Variants in GTF2H2C observed in about 807,000 individuals in gnomAD.
The protein encoded by GTF2H2C is general transcription factor IIH subunit 2-like protein.
Under a neutral mutation model 24.8 loss-of-function variants are expected in GTF2H2C, and 5 were observed. The observed-to-expected ratio is 0.20, with a 90% CI of 0.11 to 0.42. GTF2H2C has a LOEUF of 0.42. GTF2H2C is among the 20% of genes least tolerant of loss of function. The pLI is 1.00. For missense variants in GTF2H2C, 45 were observed against 169.8 expected (o/e 0.27, Z 4.08); for synonymous variants, 14 against 52.6 (o/e 0.27, Z 3.18).
At chr5:69,564,154 T>C (rs542976914) in intron 2 of GTF2H2C, among the ~76,000 whole-genome samples, 1 of 143,586 alleles carries the variant, frequency 7.0e-6, no homozygotes, top group South Asian at 2.3e-4. Context: ...TTCATTGTGT[T>C]TTTTTTTCGT....
intron 1 of GTF2H2C, among the ~76,000 whole-genome samples, chr5:69,562,243 C>T (rs1770411514): frequency 6.6e-6 from 1 of 152,046 alleles, no homozygotes. Flanking sequence ...CACTTGAACT[C>T]GGAGGCGGAG....
rs1772116205 is a variant in GTF2H2C, at chr5:69,594,476, CA to C, written c.*2279del. ...ACACACACACACACACACACACACA[CA>C]CTGATCAGAGTAACGGGAGTTTCTC... On this transcript the variant is annotated 3_prime_UTR_variant, in exon 17 of 17. Transcript: ENST00000380729. 1 of 152,066 alleles carries C rather than the reference CA, an allele frequency of 6.6e-6. No individual in the cohort carries two copies. The highest frequency in any genetic ancestry group is 2.1e-4 in the South Asian group (1 of 4,756). The allele number at this position is 152,066 out of a possible 1,614,324, so 9.4% of individuals were successfully genotyped here.
At chr5:69,577,403 G>C (rs1771358068) in intron 9 of GTF2H2C, among the ~76,000 whole-genome samples, 1 of 140,478 alleles carries the variant, frequency 7.1e-6, no homozygotes, top group South Asian at 2.3e-4. Context: ...CTACAGTATA[G>C]TGTAAACAGA....
intron 15 of GTF2H2C, among the ~76,000 whole-genome samples, chr5:69,587,359 G>A (rs1221258420): frequency 6.9e-5 from 3 of 43,632 alleles, no homozygotes; most frequent in African/African-American, 1.3e-4. Flanking sequence ...CGGCTGGCAC[G>A]GTGGCTGACG....
intron 2 of GTF2H2C, among the ~76,000 whole-genome samples, chr5:69,563,781 C>T (rs1346883731): frequency 6.6e-6 from 1 of 151,976 alleles, no homozygotes; most frequent in East Asian, 1.9e-4. Context: ...TAAATGAGAA[C>T]ATGCCGTCTT....
At chr5:69,560,781 C>T (rs1265047729) in intron 1 of GTF2H2C, among the ~76,000 whole-genome samples, 1 of 151,956 alleles carries the variant, frequency 6.6e-6, no homozygotes, top group Non-Finnish European at 1.5e-5. Context: ...TTCTTCGAGA[C>T]GGAGTCTCGC....
At chr5:69,573,183 C>CACACAT (rs1160716153) in intron 9 of GTF2H2C, among the ~76,000 whole-genome samples, 5 of 140,686 alleles carry the variant, frequency 3.6e-5, no homozygotes, top group African/African-American at 5.3e-5. Context: ...CACACACACA[C>CACACAT]GTATATATAT....
intron 8 of GTF2H2C, among the ~76,000 whole-genome samples, chr5:69,570,580 G>A (rs1771029461): frequency 9.0e-5 from 1 of 11,112 alleles, no homozygotes; most frequent in African/African-American, 3.1e-4. Context: ...AGTTTCCAAA[G>A]CAATATGTTG....
chr5:69,561,598 A>C (rs1321523668), intron 1 of GTF2H2C, among the ~76,000 whole-genome samples: 1 of 134,112 alleles, frequency 7.5e-6, no homozygotes, highest in Non-Finnish European at 1.6e-5. Flanking sequence ...GGTCAGCCAA[A>C]AGTCTCTCAG....
chr5:69,561,858 C>T (rs1291297612), intron 1 of GTF2H2C, among the ~76,000 whole-genome samples: 6 of 151,686 alleles, frequency 4.0e-5, no homozygotes, highest in Admixed American at 2.6e-4. Flanking sequence ...CTGATCTGAG[C>T]GCCTGAACTC....
intron 8 of GTF2H2C, 108 bp downstream of exon 8, chr5:69,568,315 C>T (rs1294924134): frequency 7.6e-6 from 3 of 393,322 alleles, no homozygotes; most frequent in South Asian, 2.9e-5. Flanking sequence ...GGTGGTTCCT[C>T]TGTCTTCTCT....
chr5:69,566,544 G>C (rs760411100), intron 4 of GTF2H2C, 45 bp from the exon 5 acceptor site: 1 of 828,924 alleles, frequency 1.2e-6, no homozygotes, highest in African/African-American at 2.1e-5. Context: ...TGTGGGGGGG[G>C]ATAGTATATG....
chr5:69,577,379 G>T (rs1771357096), intron 9 of GTF2H2C, among the ~76,000 whole-genome samples: 1 of 136,318 alleles, frequency 7.3e-6, no homozygotes, highest in Middle Eastern at 3.7e-3. Context: ...TAATGCTGTT[G>T]CACACTTACT....
At chr5:69,566,404 C>G (rs1770762284) in intron 4 of GTF2H2C, 185 bp from the exon 5 acceptor site, 1 of 1,187,182 alleles carries the variant, frequency 8.4e-7, no homozygotes, top group South Asian at 1.6e-5. Flanking sequence ...TCTACAATAC[C>G]TATAATTATG....
At chr5:69,566,369 A>G (rs1770758949) in intron 4 of GTF2H2C, 161 bp downstream of exon 4, 1 of 975,662 alleles carries the variant, frequency 1.0e-6, no homozygotes, top group Non-Finnish European at 1.5e-6. Flanking sequence ...CCCTTGCCCC[A>G]GCAGGAAATG....
intron 1 of GTF2H2C, 137 bp downstream of exon 1, chr5:69,560,540 G>A (rs1451921081): frequency 2.3e-4 from 33 of 145,998 alleles, no homozygotes; most frequent in African/African-American, 7.5e-4. Flanking sequence ...CAACCTCTGA[G>A]CCTGAATCCC....
intron 8 of GTF2H2C, chr5:69,568,471 C>G (rs1580627174): frequency 6.2e-6 from 2 of 324,340 alleles, no homozygotes; most frequent in Non-Finnish European, 1.1e-5. Context: ...TGTGCTTATC[C>G]TGAAATTTTT....
chr5:69,565,909 C>G (rs1770724247), intron 3 of GTF2H2C: 1 of 572,762 alleles, frequency 1.7e-6, no homozygotes, highest in Admixed American at 3.1e-5. Flanking sequence ...TACTTCATTC[C>G]TTTTTTATTG....
intron 2 of GTF2H2C, among the ~76,000 whole-genome samples, chr5:69,563,208 GTTTT>G (rs372454225): frequency 9.3e-6 from 1 of 107,312 alleles, no homozygotes; most frequent in Non-Finnish European, 1.8e-5. Flanking sequence ...ACCCGGCCTG[GTTTT>G]TTTTTTTTTT....
Sources: allele counts gnomAD v4.1 joint callset (sites outside exome capture counted in the v4.1 genomes callset), GRCh38; gene constraint gnomAD v4.1.1; transcripts MANE v1.5; gene names NCBI Gene and HGNC (gene_info 2026-07-23, HGNC 2026-07-21).